The following ZNF436 variants were observed in gnomAD, a reference collection of about 807,000 sequenced individuals.
ZNF436 encodes DNA-binding protein.
Under a neutral mutation model 41.9 loss-of-function variants are expected in ZNF436, and 22 were observed. That is an observed-to-expected ratio of 0.53 (90% CI 0.38 to 0.75). ZNF436 has a LOEUF of 0.75. Ranked by LOEUF, ZNF436 falls within the 30% of genes least tolerant of loss-of-function variation. ZNF436 has a pLI of 0.00. For missense variants in ZNF436, 506 were observed against 587.3 expected, an observed-to-expected ratio of 0.86 and a Z score of 1.43; for synonymous variants, 217 against 197.8, an observed-to-expected ratio of 1.10 and a Z score of -0.82.
chr1:23,360,818 T>C lies in ZNF436; in HGVS notation c.*1151A>G, dbSNP rs1557988777. 5 of 152,594 alleles carry C rather than the reference T, an allele frequency of 3.3e-5. No homozygotes were observed. In the South Asian group the frequency reaches 1.0e-3, roughly 32 times the overall value. The allele number at this position is 152,594 out of a possible 1,614,324, so 9.5% of individuals were successfully genotyped here. On this transcript the variant is annotated 3_prime_UTR_variant, in exon 4 of 4. Transcript: ENST00000314011. ...GCACTAGTGTTTAAATTATTTTCCA[T>C]AATGAAAAAAGGACATTTCTCACAT...
chr1:23,366,680 G>A (rs1051892245), intron 3 of ZNF436, among the ~76,000 whole-genome samples: 3 of 152,228 alleles, frequency 2.0e-5, no homozygotes, highest in African/African-American at 4.8e-5. Context: ...ACCTGGGTTA[G>A]AATCCCCTCA....
At chr1:23,369,291 C>G (rs771750661) in intron 1 of ZNF436, 75 bp downstream of exon 1, 4 of 497,858 alleles carry the variant, frequency 8.0e-6, no homozygotes, top group South Asian at 5.9e-5. Flanking sequence ...CCGGGCGGGC[C>G]TTCAGGATGT....
At position 23,363,212 on chromosome 1, in the gene ZNF436, A is replaced by T; in HGVS notation, c.170T>A (p.Ile57Asn). 2 of 1,609,472 alleles carry T rather than the reference A, an allele frequency of 1.2e-6. No individual in the cohort carries two copies. The highest frequency in any genetic ancestry group is 1.7e-6 in the Non-Finnish European group (2 of 1,178,456). The part of the protein sequence containing the change: ...YGNVVSLDFE[I>N]RSENEVNPKQ... ...GGGATTTACCTCGTTCTCACTCCTG[A>T]TCTCAAAATCTGTAATAAAAAGTAA... Residue 57 changes from isoleucine (I) to asparagine (N), a missense_variant, in exon 4 of 4, where the codon ATC becomes AAC. Transcript: ENST00000314011.
rs747318761 is a variant in ZNF436, at chr1:23,361,998, T to TA, written c.1383dup (p.Ile462TyrfsTer2). ...TCCGTATGAACTCTCTTATGTTTAA[T>TA]AAGAGCTGAGCTCCTGCTGAAACTC... On this transcript the variant is annotated frameshift_variant, in exon 4 of 4. Transcript: ENST00000314011. LOFTEE classifies it high-confidence loss of function. 7.9e-5 allele frequency: 128 copies of TA among 1,610,352 alleles called. No homozygotes were observed. The highest frequency in any genetic ancestry group is 1.6e-4 in the Middle Eastern group (1 of 6,064).
At position 23,362,956 on chromosome 1, in the gene ZNF436, A is replaced by G. The variant is rs368263165; in HGVS notation, c.426T>C (p.His142=). ...HTGIRYHICS[H]CGKAFSQISD... ...AGATCTGACTGAAGGCCTTTCCACA[A>G]TGAGAACATATATGATAGCGGATGC... is the stretch of plus-strand genomic sequence containing the variant. Residue 142 remains histidine, a synonymous_variant, in exon 4 of 4, where the codon CAT becomes CAC. Transcript: ENST00000314011. 99 of 1,614,182 alleles carry G rather than the reference A, an allele frequency of 6.1e-5. No homozygotes were observed. Among genetic ancestry groups the G allele is most frequent in the Non-Finnish European group, 7.2e-5 (85 of 1,180,030 alleles).
rs1368195387 is a variant in ZNF436 at position 23,359,907 on chromosome 1, G to T, written c.*2062C>A. On this transcript the variant is annotated 3_prime_UTR_variant, in exon 4 of 4. Coordinates refer to ENST00000314011, the MANE Select transcript of ZNF436 (RefSeq NM_001077195.2). ...GGGAAGGAAAAGGGGGTGAAATACA[G>T]TTAGGTCATGGAAATGCGGTCATCT... 6.6e-6 allele frequency: 1 copy of T among 152,652 alleles called. No individual in the cohort carries two copies. Among genetic ancestry groups the T allele is most frequent in the African/African-American group, 2.4e-5 (1 of 41,452 alleles). The allele number at this position is 152,652 out of a possible 1,614,324, so 9.5% of individuals were successfully genotyped here.
rs1191425832 is a variant in ZNF436 at position 23,369,457 on chromosome 1, G to A, written c.-152C>T. 1 of 534,012 alleles carries A rather than the reference G, an allele frequency of 1.9e-6. No homozygotes were observed. Among genetic ancestry groups the A allele is most frequent in the Non-Finnish European group, 3.9e-6 (1 of 259,448 alleles). The allele number at this position is 534,012 out of a possible 1,614,324, so 33.1% of individuals were successfully genotyped here. On this transcript the variant is annotated 5_prime_UTR_variant, in exon 1 of 4. Transcript: ENST00000314011. Reference sequence around the variant, plus strand: ...AGAGCCGCAGCGTTCTCTCAGACCTGGCGTTCAGGAAGATTCTAGAGAGCA... The same window carrying A: ...AGAGCCGCAGCGTTCTCTCAGACCTAGCGTTCAGGAAGATTCTAGAGAGCA...
At chr1:23,364,400 G>A (rs1162753185) in intron 3 of ZNF436, among the ~76,000 whole-genome samples, 1 of 152,100 alleles carries the variant, frequency 6.6e-6, no homozygotes. Context: ...ACCACATCCA[G>A]CTATTTTCTT....
rs1447971781 is a variant in ZNF436, at chr1:23,362,178, T to G, written c.1204A>C (p.Arg402=). ...CTCTGATGTTTAATTAGATCTGACCTTTCACCAAAGCTTCGCCAACACTCA... is the reference window on the plus strand; with the variant it reads ...CTCTGATGTTTAATTAGATCTGACCGTTCACCAAAGCTTCGCCAACACTCA... ...CNECWRSFGE[R]SDLIKHQRTH... Residue 402 remains arginine (R), a synonymous_variant, in exon 4 of 4, where the codon AGG becomes CGG. Transcript: ENST00000314011. 3.1e-6 allele frequency: 5 copies of G among 1,613,938 alleles called. No individual in the cohort carries two copies. Among genetic ancestry groups the G allele is most frequent in the African/African-American group, 1.3e-5 (1 of 74,866 alleles).
chr1:23,368,205 G>C (rs961659008), intron 1 of ZNF436, 140 bp from the exon 2 acceptor site: 1 of 600,974 alleles, frequency 1.7e-6, no homozygotes, highest in Admixed American at 3.1e-5. Flanking sequence ...CCTCGAGCGC[G>C]ACCCGCCCTC....
rs571242244 is a variant in ZNF436 at position 23,368,270 on chromosome 1, C to T, written c.-60-205G>A. Reference sequence around the variant, plus strand: ...ATGCCGGAATCTACTAGGACAGCCCCCTGGCTGGGTCCCTCCCGCGCCGGG... The same window carrying T: ...ATGCCGGAATCTACTAGGACAGCCCTCTGGCTGGGTCCCTCCCGCGCCGGG... On this transcript the variant is annotated intron_variant, in intron 1 of 3. Transcript: ENST00000314011. The T allele has an allele frequency of 2.5e-3, 1,203 of 488,602 alleles. 4 individuals are homozygous for T. The highest frequency in any genetic ancestry group is 3.2e-3 in the Non-Finnish European group (862 of 272,896). 30.3% of individuals were successfully genotyped at this position (488,602 alleles called of 1,614,324 possible).
At position 23,361,216 on chromosome 1, in the gene ZNF436, G is replaced by T. The variant is rs752209101; in HGVS notation, c.*753C>A. 1 of 152,574 alleles carries T rather than the reference G, an allele frequency of 6.6e-6. No individual in the cohort carries two copies. Among genetic ancestry groups the T allele is most frequent in the Non-Finnish European group, 1.5e-5 (1 of 68,044 alleles). 9.5% of individuals were successfully genotyped at this position (152,574 alleles called of 1,614,324 possible). ...AATATTCCCTATAGTGATCCCCAAA[G>T]AAAATTCATAAATCTGATTAATGGC... On this transcript the variant is annotated 3_prime_UTR_variant, in exon 4 of 4. Transcript: ENST00000314011.
chr1:23,363,293 AT>A (rs35676026), intron 3 of ZNF436, 72 bp from the exon 4 acceptor site: 279,467 of 1,024,862 alleles, frequency 0.27, 6,836 homozygotes, highest in East Asian at 0.36. Context: ...ACTATACTAA[AT>A]TTTTTTTTTT....
At position 23,368,072 on chromosome 1, in the gene ZNF436, G is replaced by C. The variant is rs1638401874; in HGVS notation, c.-60-7C>G. ...AAGCAGCTAGCAGACAGCGCTGAAGGAGGCGAAAAGCAGGGCGTGAGGCAC... is the reference window on the plus strand; with the variant it reads ...AAGCAGCTAGCAGACAGCGCTGAAGCAGGCGAAAAGCAGGGCGTGAGGCAC... On this transcript the variant is annotated splice_polypyrimidine_tract_variant and splice_region_variant and intron_variant, in intron 1 of 3. Coordinates refer to ENST00000314011, the MANE Select transcript of ZNF436 (RefSeq NM_001077195.2). 2 of 1,587,870 alleles carry C rather than the reference G, an allele frequency of 1.3e-6. No homozygotes were observed. The highest frequency in any genetic ancestry group is 1.3e-5 in the African/African-American group (1 of 74,336).
At position 23,362,494 on chromosome 1, in the gene ZNF436, G is replaced by A; in HGVS notation, c.888C>T (p.His296=). 1 of 1,613,984 alleles carries A rather than the reference G, an allele frequency of 6.2e-7. No homozygotes were observed. The highest frequency in any genetic ancestry group is 8.5e-7 in the Non-Finnish European group (1 of 1,179,996). ...GCCTCTCCCCTGTGTGGACTCGATAGTGTTTGATGAGATCAGATCTCTCAC... is the reference window on the plus strand; with the variant it reads ...GCCTCTCCCCTGTGTGGACTCGATAATGTTTGATGAGATCAGATCTCTCAC... ...GFSERSDLIK[H]YRVHTGERPY... Residue 296 remains histidine, a synonymous_variant, in exon 4 of 4, where the codon CAC becomes CAT. Transcript: ENST00000314011.
At chr1:23,368,141 C>A (rs1032137181) in intron 1 of ZNF436, 76 bp from the exon 2 acceptor site, 2 of 1,025,810 alleles carry the variant, frequency 1.9e-6, no homozygotes, top group Non-Finnish European at 1.4e-6. Flanking sequence ...AGTTCTGGCC[C>A]CAAGGCGGGC....
At chr1:23,363,876 CA>C (rs1027853898) in intron 3 of ZNF436, among the ~76,000 whole-genome samples, 21 of 151,914 alleles carry the variant, frequency 1.4e-4, no homozygotes, top group African/African-American at 5.1e-4. Context: ...CCCATCTCTA[CA>C]AAAAAATTTA....
rs962626006 is a variant in ZNF436 at position 23,366,955 on chromosome 1, A to G, written c.160+87T>C. 2.1e-6 allele frequency: 3 copies of G among 1,443,096 alleles called. No homozygotes were observed. In the African/African-American group the frequency reaches 4.3e-5, roughly 21 times the overall value. The allele number at this position is 1,443,096 out of a possible 1,614,324, so 89.4% of individuals were successfully genotyped here. A position where few individuals can be genotyped will look rare whatever the true frequency, so the allele number is the denominator to read the frequency against. ...ATCCAATTAAGTGCTTTAAAAAATC[A>G]AACCACTAGGCTGTGTTGAAAGAAC... On this transcript the variant is annotated intron_variant, in intron 3 of 3. Transcript: ENST00000314011.
At chr1:23,363,361 T>G in intron 3 of ZNF436, 140 bp from the exon 4 acceptor site, 1 of 669,732 alleles carries the variant, frequency 1.5e-6, no homozygotes, top group Non-Finnish European at 2.5e-6. Context: ...TGATCTTGGC[T>G]CACTGCAACC....
Sources: gnomAD v4.1 joint callset for allele counts (sites outside exome capture counted in the v4.1 genomes callset) on GRCh38, gnomAD v4.1.1 for gene constraint, MANE v1.5 for transcripts, NCBI Gene and HGNC (gene_info 2026-07-23, HGNC 2026-07-21) for gene names.